TNKS2: variants seen among roughly 807,000 people sequenced by gnomAD.
The protein encoded by TNKS2 is poly [ADP-ribose] polymerase tankyrase-2.
In TNKS2, 72 loss-of-function variants were observed where a neutral mutation model predicts 137.6. The ratio of observed to expected loss-of-function variants is 0.52; its 90% confidence interval spans 0.43 to 0.64. TNKS2 has a LOEUF of 0.64. Among genes scored for constraint, TNKS2 ranks in the 30% least tolerant of loss-of-function variants. The pLI, the probability that TNKS2 is intolerant of heterozygous loss-of-function variation, is 0.00. For synonymous variants in TNKS2, 516 were observed against 512.1 expected (o/e 1.01, Z -0.10); for missense variants, 1,049 against 1,410.2 (o/e 0.74, Z 4.10).
intron 13 of TNKS2, among the ~76,000 whole-genome samples, chr10:91,840,317 GT>G (rs1264272514): frequency 6.6e-6 from 1 of 152,074 alleles, no homozygotes; most frequent in African/African-American, 2.4e-5. Context: ...CCCAGCCTGG[GT>G]AAGAGAGCTA....
chr10:91,813,641 G>C (rs143058601), intron 2 of TNKS2, among the ~76,000 whole-genome samples: 96 of 152,294 alleles, frequency 6.3e-4, no homozygotes, highest in African/African-American at 2.2e-3. Flanking sequence ...TTAAATACCA[G>C]GTTAAGGAGC....
rs1416550196 is a variant in TNKS2, at chr10:91,863,257, AAC to A, written c.*260_*261del. 3 of 353,172 alleles carry A rather than the reference AAC, an allele frequency of 8.5e-6. No individual in the cohort carries two copies. The highest frequency in any genetic ancestry group is 1.6e-5 in the Non-Finnish European group (3 of 193,404). The allele number at this position is 353,172 out of a possible 1,614,324, so 21.9% of individuals were successfully genotyped here. A position where few individuals can be genotyped will look rare whatever the true frequency, so the allele number is the denominator to read the frequency against. On this transcript the variant is annotated 3_prime_UTR_variant, in exon 27 of 27. Coordinates refer to ENST00000371627, the MANE Select transcript of TNKS2 (RefSeq NM_025235.4). ...ACTGGGTTGTCTGTACTAAATTATA[AAC>A]AGAGTTAACTTGAACCTTTTATATG...
intron 1 of TNKS2, among the ~76,000 whole-genome samples, chr10:91,807,921 G>A (rs544905978): frequency 5.3e-5 from 8 of 151,270 alleles, no homozygotes; most frequent in South Asian, 2.1e-4. Flanking sequence ...GCATGAACCC[G>A]GGAGGCAGAG....
intron 21 of TNKS2, among the ~76,000 whole-genome samples, chr10:91,851,841 TA>T (rs1842546868): frequency 2.6e-5 from 4 of 152,216 alleles, no homozygotes; most frequent in Admixed American, 2.6e-4. Context: ...AGTTGAATAA[TA>T]TTTTTATTTC....
chr10:91,824,463 T>C (rs1254179690), intron 7 of TNKS2, among the ~76,000 whole-genome samples: 1 of 152,180 alleles, frequency 6.6e-6, no homozygotes, highest in Non-Finnish European at 1.5e-5. Flanking sequence ...CTCTGAATAC[T>C]AGGAAGCAAG....
At chr10:91,854,137 G>T (rs7913999) in intron 21 of TNKS2, among the ~76,000 whole-genome samples, 49,624 of 151,346 alleles carry the variant, frequency 0.33, 8,629 homozygotes, top group South Asian at 0.54. Flanking sequence ...GTAAACTGTG[G>T]ATTTCTCATT....
chr10:91,823,730 C>T (rs1844981325), intron 7 of TNKS2, among the ~76,000 whole-genome samples: 1 of 152,020 alleles, frequency 6.6e-6, no homozygotes, highest in African/African-American at 2.4e-5. Flanking sequence ...CTTCTGTTAC[C>T]CTGCACCCAT....
intron 22 of TNKS2, 145 bp downstream of exon 22, chr10:91,855,271 G>C (rs1034319982): frequency 9.4e-6 from 6 of 636,706 alleles, no homozygotes; most frequent in Non-Finnish European, 1.4e-5. Flanking sequence ...AATATTACTA[G>C]AGTAATATTA....
chr10:91,850,449 T>C (rs1016881541), intron 20 of TNKS2, among the ~76,000 whole-genome samples: 3 of 150,334 alleles, frequency 2.0e-5, no homozygotes, highest in Non-Finnish European at 4.4e-5. Context: ...CCAGGCACGG[T>C]GGCTCATGCC....
At chr10:91,856,452 T>C (rs1842706515) in intron 23 of TNKS2, among the ~76,000 whole-genome samples, 2 of 152,204 alleles carry the variant, frequency 1.3e-5, no homozygotes, top group Admixed American at 1.3e-4. Context: ...ACTATGAGTA[T>C]AATATGTAAT....
At chr10:91,840,034 A>G (rs1408078242) in intron 13 of TNKS2, among the ~76,000 whole-genome samples, 1 of 152,140 alleles carries the variant, frequency 6.6e-6, no homozygotes, top group African/African-American at 2.4e-5. Flanking sequence ...GCGTTAGAAA[A>G]AGTAGAATAT....
intron 1 of TNKS2, among the ~76,000 whole-genome samples, chr10:91,809,859 C>T (rs1213008490): frequency 1.3e-5 from 2 of 152,042 alleles, no homozygotes; most frequent in African/African-American, 4.8e-5. Flanking sequence ...CATTCTGTAA[C>T]TAATGATGTG....
chr10:91,818,327 AG>A (rs1330453115), intron 3 of TNKS2, among the ~76,000 whole-genome samples: 2 of 152,208 alleles, frequency 1.3e-5, no homozygotes, highest in African/African-American at 2.4e-5. Flanking sequence ...AAGAAATAAA[AG>A]AGTTCATAGT....
In TNKS2 at chr10:91,798,497, G is replaced by C. The variant is rs1844038436; in HGVS notation, c.-194G>C. 1 of 521,724 alleles carries C rather than the reference G, an allele frequency of 1.9e-6. No individual in the cohort carries two copies. Among genetic ancestry groups the C allele is most frequent in the East Asian group, 4.6e-5 (1 of 21,760 alleles). 32.3% of individuals were successfully genotyped at this position (521,724 alleles called of 1,614,324 possible). Reference sequence around the variant, plus strand: ...CTGCCTCCGCCGCCGCGGGGCAGCCGGGGGGCAGGGAGCCCAGCGAGGGGC... The same window carrying C: ...CTGCCTCCGCCGCCGCGGGGCAGCCCGGGGGCAGGGAGCCCAGCGAGGGGC... On this transcript the variant is annotated 5_prime_UTR_variant, in exon 1 of 27. Coordinates refer to ENST00000371627, the MANE Select transcript of TNKS2 (RefSeq NM_025235.4).
In TNKS2 at chr10:91,861,174, G is replaced by C. The variant is rs183224433; in HGVS notation, c.3282-825G>C. On this transcript the variant is annotated intron_variant, in intron 25 of 26. Coordinates refer to ENST00000371627, the MANE Select transcript of TNKS2 (RefSeq NM_025235.4). ...TCCTATCTAAGGAAGTAACATTTCA[G>C]CTGAAGTCTGAAAATTGAGTGGGTA... 3.8e-4 allele frequency among the ~76,000 whole-genome samples: 58 copies of C among 152,286 alleles called. No homozygotes were observed. The East Asian group carries it at 8.7e-3, about 23-fold the overall frequency.
At chr10:91,799,915 CCTGTT>C (rs1311205344) in intron 1 of TNKS2, among the ~76,000 whole-genome samples, 2 of 152,136 alleles carry the variant, frequency 1.3e-5, no homozygotes, top group Non-Finnish European at 2.9e-5. Flanking sequence ...TTAAAGTACT[CCTGTT>C]CTTTTGGGGC....
In TNKS2 at chr10:91,857,137, A is replaced by C. The variant is rs147316641; in HGVS notation, c.2989-288A>C. Among the ~76,000 whole-genome samples the C allele has an allele frequency of 1.8e-4, 27 of 152,306 alleles. No individual in the cohort carries two copies. In the East Asian group the frequency reaches 4.6e-3, roughly 26 times the overall value. On this transcript the variant is annotated intron_variant, in intron 23 of 26. Transcript: ENST00000371627. ...ATGTCTGATTTGGAGGTGTTTTTGT[A>C]ATAGTTTTAAGTTAATGAGAATGGA...
chr10:91,834,014 A>G lies in TNKS2; in HGVS notation c.1437A>G (p.Gln479=), dbSNP rs1030784160. 9 of 1,598,952 alleles carry G rather than the reference A, an allele frequency of 5.6e-6. No individual in the cohort carries two copies. The African/African-American group carries it at 6.7e-5, about 12-fold the overall frequency. The change falls in exon 12 of 27, where the codon CAA becomes CAG. Residue 479 remains glutamine (Q), a synonymous_variant. Transcript: ENST00000371627. ...AGATGGGAAATGAAAATGTACAGCA[A>G]CTCCTCCAAGGTATTACATGCTTCA... ...ALQMGNENVQ[Q]LLQEGISLGN...
At chr10:91,809,396 G>T (rs964936909) in intron 1 of TNKS2, among the ~76,000 whole-genome samples, 3 of 152,088 alleles carry the variant, frequency 2.0e-5, no homozygotes, top group African/African-American at 7.2e-5. Context: ...GCTGGGCGCG[G>T]TGGCTCACGC....
Sources: gnomAD v4.1 joint callset for allele counts (sites outside exome capture counted in the v4.1 genomes callset) on GRCh38, gnomAD v4.1.1 for gene constraint, MANE v1.5 for transcripts, NCBI Gene and HGNC (gene_info 2026-07-23, HGNC 2026-07-21) for gene names.